The following OR3A2 variants were observed in gnomAD, a reference collection of about 807,000 sequenced individuals.
OR3A2 encodes olfactory receptor family 3 subfamily A member 2.
For synonymous variants in OR3A2, 126 were observed against 159.3 expected (o/e 0.79, Z 1.57); for missense variants, 318 against 392.8 (o/e 0.81, Z 1.61).
At chr17:3,293,808 G>A (rs1410660879) in intron 3 of OR3A2, among the ~76,000 whole-genome samples, 2 of 152,202 alleles carry the variant, frequency 1.3e-5, no homozygotes, top group Non-Finnish European at 2.9e-5. Flanking sequence ...CCTTTGCAGG[G>A]ATGTGGATGA....
chr17:3,310,133 T>A (rs139283551), intron 3 of OR3A2: 1 of 347,632 alleles, frequency 2.9e-6, no homozygotes, highest in African/African-American at 2.1e-5. Flanking sequence ...AGTCTTTTCA[T>A]ACTACATCTA....
chr17:3,284,999 T>C (rs1162915593), upstream of OR3A2, among the ~76,000 whole-genome samples: 2 of 152,128 alleles, frequency 1.3e-5, no homozygotes, highest in African/African-American at 2.4e-5. Flanking sequence ...CTTTCTCTCC[T>C]GGGGACTTGT....
chr17:3,283,556 T>C (rs1383023354), intron 1 of OR3A2, among the ~76,000 whole-genome samples: 1 of 152,078 alleles, frequency 6.6e-6, no homozygotes, highest in Non-Finnish European at 1.5e-5. Flanking sequence ...AAATGGATGG[T>C]TAAAATGTGT....
At chr17:3,386,065 G>C in intron 1 of OR3A2, 60 bp downstream of exon 1, 1 of 398,746 alleles carries the variant, frequency 2.5e-6, no homozygotes, top group East Asian at 3.6e-5. Context: ...CCTGAGCATG[G>C]TGGCGCTGGT....
At chr17:3,380,790 TGA>T (rs904193817) in intron 2 of OR3A2, among the ~76,000 whole-genome samples, 8 of 152,128 alleles carry the variant, frequency 5.3e-5, no homozygotes, top group Non-Finnish European at 1.0e-4. Context: ...CCCCCAGGCC[TGA>T]GAGCGTGGGG....
At chr17:3,307,348 G>C (rs1016718587) in intron 3 of OR3A2, among the ~76,000 whole-genome samples, 1 of 152,156 alleles carries the variant, frequency 6.6e-6, no homozygotes, top group Non-Finnish European at 1.5e-5. Context: ...CTCTTACAAG[G>C]ACAGCTGTCA....
Position 3,367,601 on chromosome 17 carries a change from G to GTATATATATCTATA in OR3A2, c.-179+16202_-179+16203insTATAGATATATATA, listed in dbSNP as rs1555530076. The stretch of plus-strand genomic sequence containing the variant: ...TGTATATGTATATGTGTGTGTGTGT[G>GTATATATATCTATA]TATATATATATATATATATATGCCA... On this transcript the variant is annotated intron_variant, in intron 2 of 4. Coordinates refer to the OR3A2 transcript ENST00000573491. Among the ~76,000 whole-genome samples the GTATATATATCTATA allele has an allele frequency of 3.3e-5, 4 of 122,538 alleles. 1 individual carries two copies. Among genetic ancestry groups the GTATATATATCTATA allele is most frequent in the African/African-American group, 1.4e-4 (4 of 28,068 alleles). 80.4% of individuals were successfully genotyped at this position (122,538 alleles called of 152,430 possible). A position where few individuals can be genotyped will look rare whatever the true frequency, so the allele number is the denominator to read the frequency against.
intron 2 of OR3A2, among the ~76,000 whole-genome samples, chr17:3,364,466 AC>A (rs1207160760): frequency 6.6e-6 from 1 of 152,108 alleles, no homozygotes; most frequent in East Asian, 1.9e-4. Context: ...GAAATCTTGT[AC>A]CTTTTGACCA....
At chr17:3,326,473 G>A (rs541647709) in intron 3 of OR3A2, among the ~76,000 whole-genome samples, 38 of 151,968 alleles carry the variant, frequency 2.5e-4, no homozygotes, top group African/African-American at 8.7e-4. Context: ...CATAAATTGT[G>A]GAGATTTCAT....
At chr17:3,281,890 G>T (rs1041470787) in intron 1 of OR3A2, among the ~76,000 whole-genome samples, 102 of 152,200 alleles carry the variant, frequency 6.7e-4, no homozygotes, top group African/African-American at 2.1e-3. Flanking sequence ...CAAGAATTTT[G>T]ATTTAATTGG....
exon 2 of OR3A2, chr17:3,277,939 A>C (rs2150614537): frequency 6.4e-7 from 1 of 1,553,052 alleles, no homozygotes; most frequent in African/African-American, 1.4e-5. Flanking sequence ...TCAGTCCAGA[A>C]AAGGCAGGAA....
intron 3 of OR3A2, among the ~76,000 whole-genome samples, chr17:3,303,963 TAA>T (rs2048984179): frequency 1.7e-5 from 2 of 115,448 alleles, no homozygotes; most frequent in African/African-American, 8.5e-5. Flanking sequence ...GTTTTGGTAC[TAA>T]TATATATATA....
At chr17:3,352,956 C>A (rs886882850) in intron 2 of OR3A2, among the ~76,000 whole-genome samples, 2 of 151,698 alleles carry the variant, frequency 1.3e-5, no homozygotes, top group Non-Finnish European at 1.5e-5. Flanking sequence ...TTGTAGAGAT[C>A]TTTTTCTTGG....
intron 2 of OR3A2, among the ~76,000 whole-genome samples, chr17:3,337,935 T>TA (rs1218317486): frequency 1.3e-5 from 2 of 152,210 alleles, no homozygotes; most frequent in East Asian, 3.8e-4. Context: ...TTCCAGCGCC[T>TA]GTTGTTTCCT....
At chr17:3,283,326 A>C (rs1221879015) in intron 1 of OR3A2, among the ~76,000 whole-genome samples, 1 of 152,114 alleles carries the variant, frequency 6.6e-6, no homozygotes, top group Admixed American at 6.5e-5. Context: ...CCTGGGTTCA[A>C]GCGATTCTCC....
At chr17:3,366,453 T>C (rs916172769) in intron 2 of OR3A2, among the ~76,000 whole-genome samples, 1 of 152,190 alleles carries the variant, frequency 6.6e-6, no homozygotes, top group Non-Finnish European at 1.5e-5. Flanking sequence ...CAGCTTGTCA[T>C]TTATCATACC....
chr17:3,283,471 C>T (rs1297514379), intron 1 of OR3A2, among the ~76,000 whole-genome samples: 7 of 152,180 alleles, frequency 4.6e-5, no homozygotes, highest in Non-Finnish European at 7.3e-5. Context: ...GTGATCCGCC[C>T]ACCTCAGCCT....
intron 3 of OR3A2, among the ~76,000 whole-genome samples, chr17:3,322,174 T>TA (rs1388493242): frequency 6.6e-6 from 1 of 152,212 alleles, no homozygotes; most frequent in Non-Finnish European, 1.5e-5. Context: ...GTGTTTATAG[T>TA]ATTCTCTGAT....
At chr17:3,318,968 C>A (rs1038475747) in intron 3 of OR3A2, among the ~76,000 whole-genome samples, 3 of 152,060 alleles carry the variant, frequency 2.0e-5, no homozygotes, top group Admixed American at 2.0e-4. Context: ...TTTAAATAAA[C>A]CCTATTCTAT....
Sources: allele counts gnomAD v4.1 joint callset (sites outside exome capture counted in the v4.1 genomes callset), GRCh38; gene constraint gnomAD v4.1.1; transcripts MANE v1.5; gene names NCBI Gene and HGNC (gene_info 2026-07-23, HGNC 2026-07-21).